Variants in C12orf42 observed in about 807,000 individuals in gnomAD.
The protein encoded by C12orf42 is uncharacterized protein C12orf42.
In C12orf42, 25 loss-of-function variants were observed where a neutral mutation model predicts 21.6. The observed-to-expected ratio is 1.16, with a 90% CI of 0.84 to 1.62. C12orf42 has a LOEUF of 1.62. Among genes scored for constraint, C12orf42 ranks in the 40% most tolerant of loss-of-function variants. The pLI is 0.00. For missense variants in C12orf42, 483 were observed against 459.3 expected (o/e 1.05, Z -0.47); for synonymous variants, 174 against 175.0 (o/e 0.99, Z 0.05).
intron 2 of C12orf42, among the ~76,000 whole-genome samples, chr12:103,448,687 C>T (rs913823239): frequency 2.0e-5 from 3 of 151,824 alleles, no homozygotes; most frequent in African/African-American, 7.3e-5. Context: ...TAGAAAAATG[C>T]TCAACATCAC....
intron 4 of C12orf42, among the ~76,000 whole-genome samples, chr12:103,335,032 C>T (rs2041570731): frequency 6.6e-6 from 1 of 152,114 alleles, no homozygotes; most frequent in African/African-American, 2.4e-5. Context: ...CTGTATGTTT[C>T]ATTGCTTTGT....
intron 2 of C12orf42, among the ~76,000 whole-genome samples, chr12:103,476,416 C>T (rs149879890): frequency 6.6e-6 from 1 of 152,298 alleles, no homozygotes; most frequent in East Asian, 1.9e-4. Flanking sequence ...ACTCTCTCTT[C>T]CCATAATGAG....
At chr12:103,212,658 C>A in the C12orf42 span, among the ~76,000 whole-genome samples, 1 of 152,124 alleles carries the variant, frequency 6.6e-6, no homozygotes, top group Non-Finnish European at 1.5e-5. Context: ...TGTCTATGTT[C>A]ATTAAATCAC....
At chr12:103,499,271 A>G (rs1189357779), upstream of C12orf42, among the ~76,000 whole-genome samples, 4 of 152,184 alleles carry the variant, frequency 2.6e-5, no homozygotes, top group Admixed American at 6.5e-5. Context: ...CACACCAAAA[A>G]TGGTAATTAT....
intron 4 of C12orf42, among the ~76,000 whole-genome samples, chr12:103,328,739 A>G (rs1264123359): frequency 6.6e-6 from 1 of 152,226 alleles, no homozygotes; most frequent in Non-Finnish European, 1.5e-5. Context: ...GTAGGTTTCC[A>G]TCTCCAGGAG....
At chr12:103,303,376 T>C (rs1426085666) in intron 5 of C12orf42, among the ~76,000 whole-genome samples, 5 of 152,154 alleles carry the variant, frequency 3.3e-5, no homozygotes, top group Non-Finnish European at 7.4e-5. Flanking sequence ...TCATGAAGAT[T>C]TTACCTGAAA....
chr12:103,543,050 G>C, the C12orf42 span, among the ~76,000 whole-genome samples: 6 of 152,158 alleles, frequency 3.9e-5, no homozygotes, highest in Admixed American at 3.9e-4. Flanking sequence ...GATTAAAAAG[G>C]ATTTGCCAAG....
the C12orf42 span, among the ~76,000 whole-genome samples, chr12:103,141,454 T>C: frequency 6.6e-6 from 1 of 151,956 alleles, no homozygotes; most frequent in Non-Finnish European, 1.5e-5. Flanking sequence ...CCGAATGATA[T>C]AAGCAACTGA....
rs115034790 is a variant in C12orf42 at position 103,459,908 on chromosome 12, T to G, written c.78+18441A>C. Reference sequence around the variant, plus strand: ...CCCACTTCTGAGAACCCTTTTCCTCTGTCATTCTCCATACCTCTACTGCAA... The same window carrying G: ...CCCACTTCTGAGAACCCTTTTCCTCGGTCATTCTCCATACCTCTACTGCAA... On this transcript the variant is annotated intron_variant, in intron 2 of 5. Coordinates refer to ENST00000548883, the MANE Select transcript of C12orf42 (RefSeq NM_198521.5). 3.0e-3 allele frequency among the ~76,000 whole-genome samples: 460 copies of G among 152,270 alleles called. 3 individuals carry two copies. The highest frequency in any genetic ancestry group is 0.011 in the African/African-American group (439 of 41,558).
chr12:103,092,723 G>A, the C12orf42 span, among the ~76,000 whole-genome samples: 4 of 152,190 alleles, frequency 2.6e-5, no homozygotes, highest in Non-Finnish European at 4.4e-5. Flanking sequence ...CATTGCTACA[G>A]CATTTGTTAA....
At chr12:103,241,168 CA>C (rs2033719220) in intron 10 of C12orf42, among the ~76,000 whole-genome samples, 1 of 148,716 alleles carries the variant, frequency 6.7e-6, no homozygotes, top group South Asian at 2.1e-4. Flanking sequence ...TTATGAGAAG[CA>C]TAGCTGTTTT....
chr12:103,202,738 T>C, the C12orf42 span, among the ~76,000 whole-genome samples: 1 of 152,210 alleles, frequency 6.6e-6, no homozygotes, highest in Non-Finnish European at 1.5e-5. Context: ...TGTCTCAAGC[T>C]AAGTGACTTC....
At chr12:103,451,800 T>A (rs1951961250) in intron 2 of C12orf42, among the ~76,000 whole-genome samples, 1 of 152,102 alleles carries the variant, frequency 6.6e-6, no homozygotes, top group South Asian at 2.1e-4. Flanking sequence ...CCAATAACAA[T>A]GTTATCACCA....
chr12:103,542,903 A>T, the C12orf42 span, among the ~76,000 whole-genome samples: 1 of 152,346 alleles, frequency 6.6e-6, no homozygotes, highest in Non-Finnish European at 1.5e-5. Flanking sequence ...CACTGAGAAG[A>T]CACAGATGCA....
chr12:103,131,898 T>C, the C12orf42 span, among the ~76,000 whole-genome samples: 1 of 152,132 alleles, frequency 6.6e-6, no homozygotes, highest in South Asian at 2.1e-4. Flanking sequence ...GTGATGTTAC[T>C]GATGGTAGTG....
At chr12:103,255,894 A>G (rs1191962592) in intron 10 of C12orf42, among the ~76,000 whole-genome samples, 1 of 150,116 alleles carries the variant, frequency 6.7e-6, no homozygotes, top group East Asian at 2.0e-4. Context: ...TACTAAAAAT[A>G]CAAAAAAAAT....
the C12orf42 span, among the ~76,000 whole-genome samples, chr12:103,132,788 G>T: frequency 2.4e-5 from 3 of 126,998 alleles, no homozygotes; most frequent in African/African-American, 9.1e-5. Context: ...CCCACCCACA[G>T]CAGCCACCGC....
downstream of C12orf42, among the ~76,000 whole-genome samples, chr12:103,299,785 A>G (rs1207888046): frequency 2.0e-5 from 3 of 152,204 alleles, no homozygotes; most frequent in Non-Finnish European, 4.4e-5. Context: ...ACCTTGGTGC[A>G]TTTGTGTCTA....
At chr12:103,460,332 T>TA (rs968429887) in intron 2 of C12orf42, among the ~76,000 whole-genome samples, 3 of 151,898 alleles carry the variant, frequency 2.0e-5, no homozygotes, top group African/African-American at 7.3e-5. Flanking sequence ...GAAAGATTAC[T>TA]ATGGGCCAGG....
Sources: allele counts gnomAD v4.1 joint callset (sites outside exome capture counted in the v4.1 genomes callset), GRCh38; gene constraint gnomAD v4.1.1; transcripts MANE v1.5; gene names NCBI Gene and HGNC (gene_info 2026-07-23, HGNC 2026-07-21).